IPCEF1: variants seen among roughly 807,000 people sequenced by gnomAD.
The protein encoded by IPCEF1 is interaction protein for cytohesin exchange factors 1.
A neutral mutation model predicts 50.9 loss-of-function variants in IPCEF1; 31 were observed. The ratio of observed to expected loss-of-function variants is 0.61; its 90% confidence interval spans 0.46 to 0.82. The LOEUF is 0.82. Ranked by LOEUF, IPCEF1 falls within the 40% of genes least tolerant of loss-of-function variation. The pLI is 0.00. For synonymous variants in IPCEF1, 181 were observed against 192.0 expected, an observed-to-expected ratio of 0.94 and a Z score of 0.47; for missense variants, 458 against 514.0, an observed-to-expected ratio of 0.89 and a Z score of 1.05.
chr6:154,349,818 G>A (rs879745571), intron 1 of IPCEF1, among the ~76,000 whole-genome samples: 4 of 152,020 alleles, frequency 2.6e-5, no homozygotes, highest in African/African-American at 7.2e-5. Context: ...AAATTAACAA[G>A]TCTAAAGAAA....
chr6:154,322,342 C>A (rs1341832486), intron 1 of IPCEF1, among the ~76,000 whole-genome samples: 1 of 150,100 alleles, frequency 6.7e-6, no homozygotes, highest in East Asian at 2.0e-4. Flanking sequence ...AATGGTGAGG[C>A]CCTGCCTCTA....
intron 1 of IPCEF1, among the ~76,000 whole-genome samples, chr6:154,332,054 T>A (rs559766675): frequency 2.0e-5 from 3 of 152,318 alleles, no homozygotes; most frequent in African/African-American, 7.2e-5. Context: ...CTCTCCCTTA[T>A]GCCCCTCAGC....
chr6:154,183,647 C>T (rs1016731440), intron 10 of IPCEF1, among the ~76,000 whole-genome samples: 9 of 152,010 alleles, frequency 5.9e-5, no homozygotes, highest in Admixed American at 3.9e-4. Context: ...ACCTGTAATC[C>T]CAGGACTTTT....
intron 11 of IPCEF1, among the ~76,000 whole-genome samples, chr6:154,162,472 A>T (rs1799105213): frequency 2.0e-5 from 3 of 152,216 alleles, no homozygotes; most frequent in Non-Finnish European, 4.4e-5. Flanking sequence ...CATTAAATCA[A>T]TGTTAAACCA....
chr6:154,171,669 T>G (rs1327837827), intron 10 of IPCEF1, among the ~76,000 whole-genome samples: 1 of 152,208 alleles, frequency 6.6e-6, no homozygotes, highest in Non-Finnish European at 1.5e-5. Context: ...TTTATGAGAT[T>G]GTCATGAGAG....
chr6:154,238,157 T>C (rs1481826620), intron 5 of IPCEF1, among the ~76,000 whole-genome samples: 1 of 152,262 alleles, frequency 6.6e-6, no homozygotes, highest in Non-Finnish European at 1.5e-5. Context: ...AACAGCATCA[T>C]GTATGATATT....
intron 1 of IPCEF1, among the ~76,000 whole-genome samples, chr6:154,323,638 A>G (rs1364248324): frequency 6.6e-6 from 1 of 152,192 alleles, no homozygotes; most frequent in Non-Finnish European, 1.5e-5. Context: ...TCAAAATGAC[A>G]TGATGTCTGA....
chr6:154,352,629 G>C (rs1784137181), intron 1 of IPCEF1, among the ~76,000 whole-genome samples: 2 of 152,196 alleles, frequency 1.3e-5, no homozygotes, highest in Admixed American at 1.3e-4. Context: ...CTAAGACAAA[G>C]ATTGATTCTA....
At chr6:154,205,285 T>G (rs1777400674) in intron 9 of IPCEF1, among the ~76,000 whole-genome samples, 1 of 152,206 alleles carries the variant, frequency 6.6e-6, no homozygotes. Flanking sequence ...GTATTTTTTT[T>G]TAATAAAAAC....
chr6:154,313,079 A>AAAAAAAAAAAAAAAC (rs1783123970), intron 1 of IPCEF1, among the ~76,000 whole-genome samples: 1 of 149,886 alleles, frequency 6.7e-6, no homozygotes, highest in African/African-American at 2.5e-5. Flanking sequence ...AAAAAAAAAA[A>AAAAAAAAAAAAAAAC]AAAAAAACAT....
In IPCEF1 at chr6:154,333,879, C is replaced by T. The variant is rs1783732252; in HGVS notation, c.-62+22793G>A. The stretch of plus-strand genomic sequence containing the variant: ...TTTAGTCACAGACTGCCCCTCCACC[C>T]TAATATCTCATACAACATGCAAGGG... On this transcript the variant is annotated intron_variant, in intron 1 of 11. Coordinates refer to ENST00000367220, the MANE Select transcript of IPCEF1 (RefSeq NM_001130700.2). Among the ~76,000 whole-genome samples the T allele has an allele frequency of 2.0e-5, 3 of 151,966 alleles. No individual in the cohort carries two copies. The South Asian group carries it at 6.2e-4, about 31-fold the overall frequency.
rs559136433 is a variant in IPCEF1 at position 154,160,323 on chromosome 6, A to G, written c.1105-283T>C. On this transcript the variant is annotated intron_variant, in intron 11 of 11. Transcript: ENST00000367220. ...TTCCCTGATCAATCCATTATTCCAC[A>G]CCACAGTAACAATTCTACCTTGGTG... 3.9e-5 allele frequency among the ~76,000 whole-genome samples: 6 copies of G among 152,266 alleles called. No individual in the cohort carries two copies. The East Asian group carries it at 1.2e-3, about 29-fold the overall frequency.
chr6:154,272,048 C>T (rs938765293), intron 2 of IPCEF1, among the ~76,000 whole-genome samples: 1 of 152,162 alleles, frequency 6.6e-6, no homozygotes, highest in Non-Finnish European at 1.5e-5. Flanking sequence ...AGTTCAAATC[C>T]CAACTCTGCC....
intron 1 of IPCEF1, among the ~76,000 whole-genome samples, chr6:154,346,198 C>T (rs181252115): frequency 2.6e-5 from 4 of 152,220 alleles, no homozygotes; most frequent in African/African-American, 9.6e-5. Context: ...AAAGCAAAAA[C>T]ATTGAAGATT....
At position 154,155,520 on chromosome 6, in the gene IPCEF1, G is replaced by A. The variant is rs1282004801; in HGVS notation, c.*4308C>T. 5 of 152,290 alleles carry A rather than the reference G, an allele frequency of 3.3e-5. No individual in the cohort carries two copies. Among genetic ancestry groups the A allele is most frequent in the African/African-American group, 1.2e-4 (5 of 41,464 alleles). The allele number at this position is 152,290 out of a possible 1,614,324, so 9.4% of individuals were successfully genotyped here. A position where few individuals can be genotyped will look rare whatever the true frequency, so the allele number is the denominator to read the frequency against. ...ATATCAAAATACTGTCTTTCGGCCA[G>A]GTGTGGTGGCTCACACCTGTAATCC... is the stretch of plus-strand genomic sequence containing the variant. On this transcript the variant is annotated 3_prime_UTR_variant, in exon 12 of 12. Coordinates refer to ENST00000367220, the MANE Select transcript of IPCEF1 (RefSeq NM_001130700.2).
At chr6:154,215,275 A>G (rs902303911) in intron 7 of IPCEF1, among the ~76,000 whole-genome samples, 2 of 138,104 alleles carry the variant, frequency 1.4e-5, no homozygotes, top group Non-Finnish European at 3.1e-5. Context: ...TCAACCTGCC[A>G]TGGTCTTGTT....
intron 9 of IPCEF1, among the ~76,000 whole-genome samples, chr6:154,205,633 T>C (rs1263162237): frequency 6.6e-6 from 1 of 152,100 alleles, no homozygotes; most frequent in African/African-American, 2.4e-5. Flanking sequence ...ACACATTAAT[T>C]TATTATGTAT....
At chr6:154,244,301 G>GGT (rs10674508) in intron 5 of IPCEF1, among the ~76,000 whole-genome samples, 74,582 of 147,688 alleles carry the variant, frequency 0.5, 19,018 homozygotes, top group Middle Eastern at 0.58. Context: ...TGTGTGGGTG[G>GGT]GTGTGTGTGT....
At chr6:154,311,927 C>T (rs1160068392) in intron 1 of IPCEF1, among the ~76,000 whole-genome samples, 1 of 152,100 alleles carries the variant, frequency 6.6e-6, no homozygotes, top group African/African-American at 2.4e-5. Flanking sequence ...ACGATATGGG[C>T]CAGCAATCTC....
Sources: allele counts gnomAD v4.1 joint callset (sites outside exome capture counted in the v4.1 genomes callset), GRCh38; gene constraint gnomAD v4.1.1; transcripts MANE v1.5; gene names NCBI Gene and HGNC (gene_info 2026-07-23, HGNC 2026-07-21).